VPS13D: variants seen among roughly 807,000 people sequenced by gnomAD.
VPS13D encodes the protein vacuolar protein sorting 13 homolog D, also known as intermembrane lipid transfer protein VPS13D.
VPS13D carries 187 observed loss-of-function variants against 461.9 expected under a neutral mutation model. The ratio of observed to expected loss-of-function variants is 0.40; its 90% confidence interval spans 0.36 to 0.46. VPS13D has a LOEUF of 0.46. VPS13D is among the 20% of genes least tolerant of loss of function. VPS13D has a pLI of 0.60. For missense variants in VPS13D, 4,711 were observed against 5,364.9 expected (o/e 0.88, Z 3.81); for synonymous variants, 1,951 against 1,986.3 (o/e 0.98, Z 0.47).
At chr1:12,404,033 GTT>G in intron 63 of VPS13D, 60 bp downstream of exon 63, 2 of 1,474,596 alleles carry the variant, frequency 1.4e-6, no homozygotes, top group Non-Finnish European at 1.8e-6. Flanking sequence ...GAATGAGTGT[GTT>G]TACTATTTGT....
Position 12,415,208 on chromosome 1 carries a change from A to G in VPS13D, c.12152A>G (p.Lys4051Arg). The change falls in exon 64 of 70, where the codon AAA becomes AGA. Residue 4051 changes from lysine to arginine, a missense_variant. Physicochemically the swap from Lys to Arg is conservative, Grantham distance 26. This residue lies in a region of VPS13D where 106 missense variants were observed against 206.2 expected (regional missense o/e 0.51). Coordinates refer to ENST00000620676, the MANE Select transcript of VPS13D (RefSeq NM_015378.4). ...GAGTTCATCATCAATGATATCCTCAAACATTTCCAGGAGGTGAGGCTTGGA... is the reference window on the plus strand; with the variant it reads ...GAGTTCATCATCAATGATATCCTCAGACATTTCCAGGAGGTGAGGCTTGGA... ...TKEFIINDIL[K>R]HFQEELLSQA... is the part of the protein sequence containing the mutation. The G allele has an allele frequency of 6.2e-7, 1 of 1,614,146 alleles. No individual in the cohort carries two copies. The highest frequency in any genetic ancestry group is 8.5e-7 in the Non-Finnish European group (1 of 1,180,000).
intron 22 of VPS13D, among the ~76,000 whole-genome samples, chr1:12,289,547 TC>T (rs1642065043): frequency 6.6e-6 from 1 of 151,966 alleles, no homozygotes; most frequent in Non-Finnish European, 1.5e-5. Context: ...TAGAAAAGCT[TC>T]TTAGAGGAGA....
chr1:12,242,948 CT>C (rs1163377999), intron 3 of VPS13D, among the ~76,000 whole-genome samples: 8 of 150,698 alleles, frequency 5.3e-5, no homozygotes, highest in African/African-American at 2.0e-4. Context: ...TTTTCTTTTT[CT>C]TTTCTTTTCT....
At chr1:12,319,798 T>C (rs1484748712) in intron 32 of VPS13D, among the ~76,000 whole-genome samples, 168 bp downstream of exon 32, 1 of 152,242 alleles carries the variant, frequency 6.6e-6, no homozygotes, top group Non-Finnish European at 1.5e-5. Context: ...CTGGCTATTC[T>C]AATGCATGGA....
intron 54 of VPS13D, among the ~76,000 whole-genome samples, chr1:12,372,156 C>T (rs142051182): frequency 2.0e-5 from 3 of 152,242 alleles, no homozygotes; most frequent in Non-Finnish European, 2.9e-5. Context: ...TAGGATCAAA[C>T]GGTCCTCCTG....
At chr1:12,404,179 A>C (rs1644618625) in intron 63 of VPS13D, among the ~76,000 whole-genome samples, 2 of 151,986 alleles carry the variant, frequency 1.3e-5, no homozygotes, top group Admixed American at 6.6e-5. Context: ...AAAAAAAAAA[A>C]AAACGAAACT....
intron 67 of VPS13D, among the ~76,000 whole-genome samples, chr1:12,487,624 A>AAACG: frequency 6.6e-6 from 1 of 150,868 alleles, no homozygotes; most frequent in African/African-American, 2.4e-5. Context: ...AAAAAAAAAA[A>AAACG]AGCAAACAAA....
intron 29 of VPS13D, among the ~76,000 whole-genome samples, chr1:12,312,328 T>G (rs1642775544): frequency 6.6e-6 from 1 of 152,214 alleles, no homozygotes; most frequent in Non-Finnish European, 1.5e-5. Context: ...TCTGGCAGAC[T>G]TTGTGGAACT....
chr1:12,439,730 T>C (rs1418857982), intron 65 of VPS13D, among the ~76,000 whole-genome samples: 3 of 152,158 alleles, frequency 2.0e-5, no homozygotes, highest in African/African-American at 4.8e-5. Context: ...TAAGTTTTTA[T>C]TGATAGGAGG....
In VPS13D at chr1:12,505,117, C is replaced by T. The variant is rs1244778824; in HGVS notation, c.12795-1736C>T. Reference sequence around the variant, plus strand: ...CCGTGACGGCCTCAGTGGCTGTGCACCAGGCCCACCGATGCTCAGGGGTGT... The same window carrying T: ...CCGTGACGGCCTCAGTGGCTGTGCATCAGGCCCACCGATGCTCAGGGGTGT... On this transcript the variant is annotated intron_variant, in intron 68 of 69. Coordinates refer to ENST00000620676, the MANE Select transcript of VPS13D (RefSeq NM_015378.4). The surrounding 1 kb of genome is among the most constrained non-coding windows in gnomAD (Gnocchi z 4.2). Among the ~76,000 whole-genome samples, 1 of 152,186 alleles carries T rather than the reference C, an allele frequency of 6.6e-6. No homozygotes were observed. The highest frequency in any genetic ancestry group is 1.5e-5 in the Non-Finnish European group (1 of 68,032).
chr1:12,285,440 G>A (rs1218954325), intron 21 of VPS13D, among the ~76,000 whole-genome samples: 2 of 151,600 alleles, frequency 1.3e-5, no homozygotes, highest in Non-Finnish European at 1.5e-5. Context: ...ACAGGTGCGC[G>A]CCGCCATGCC....
rs1406176216 is a variant in VPS13D, at chr1:12,299,585, T to C, written c.6216+201T>C. Among the ~76,000 whole-genome samples the C allele has an allele frequency of 1.3e-5, 2 of 152,200 alleles. No homozygotes were observed. Among genetic ancestry groups the C allele is most frequent in the Admixed American group, 6.5e-5 (1 of 15,282 alleles). On this transcript the variant is annotated intron_variant, in intron 25 of 69. Coordinates refer to ENST00000620676, the MANE Select transcript of VPS13D (RefSeq NM_015378.4). The surrounding 1 kb of genome is among the most constrained non-coding windows in gnomAD (Gnocchi z 4.2). Reference sequence around the variant, plus strand: ...AGTGTAAATTATAACTCTTAGTAAATGTAGGTAGTAGAATTTTTTTTGACA... The same window carrying C: ...AGTGTAAATTATAACTCTTAGTAAACGTAGGTAGTAGAATTTTTTTTGACA...
chr1:12,304,518 T>TCAG lies in VPS13D; in HGVS notation c.6231_6233dup (p.Ala2078dup), dbSNP rs747442052. ...TGTTCCTTCCCAGGAATCTGTGCCT[T>TCAG]CAGCTTCCCCAACGGGTATTCCCAA... On this transcript the variant is annotated inframe_insertion, in exon 26 of 70. Coordinates refer to ENST00000620676, the MANE Select transcript of VPS13D (RefSeq NM_015378.4). 2.5e-6 allele frequency: 4 copies of TCAG among 1,613,710 alleles called. No homozygotes were observed. In the Admixed American group the frequency reaches 6.7e-5, roughly 27 times the overall value.
intron 58 of VPS13D, 120 bp downstream of exon 58, chr1:12,383,275 A>G: frequency 1.9e-6 from 2 of 1,054,946 alleles, no homozygotes; most frequent in South Asian, 1.9e-5. Flanking sequence ...TGGTATCTTC[A>G]TCTGTAAAAT....
At chr1:12,267,446 T>C (rs1387280362) in intron 14 of VPS13D, among the ~76,000 whole-genome samples, 3 of 152,176 alleles carry the variant, frequency 2.0e-5, no homozygotes, top group Admixed American at 6.5e-5. Context: ...CGATAAGATC[T>C]TTGATCTTAA....
At chr1:12,301,842 C>G (rs1221345176) in intron 25 of VPS13D, among the ~76,000 whole-genome samples, 1 of 152,168 alleles carries the variant, frequency 6.6e-6, no homozygotes, top group Non-Finnish European at 1.5e-5. Flanking sequence ...GACATTTTAT[C>G]ACTCTGGAGA....
intron 65 of VPS13D, among the ~76,000 whole-genome samples, chr1:12,429,773 G>A (rs543318062): frequency 4.6e-5 from 7 of 152,298 alleles, no homozygotes; most frequent in East Asian, 1.9e-4. Flanking sequence ...CACAGCAAGC[G>A]CTTAGCAGAT....
intron 67 of VPS13D, among the ~76,000 whole-genome samples, chr1:12,496,019 G>A (rs764475234): frequency 2.6e-5 from 4 of 152,224 alleles, no homozygotes; most frequent in East Asian, 1.9e-4. Context: ...CCCCACTTTC[G>A]ATCGATATTT....
chr1:12,319,807 G>A (rs1642986869), intron 32 of VPS13D, among the ~76,000 whole-genome samples, 177 bp downstream of exon 32: 1 of 152,182 alleles, frequency 6.6e-6, no homozygotes, highest in Non-Finnish European at 1.5e-5. Flanking sequence ...CTAATGCATG[G>A]ATTCAGTCTC....
Sources: allele counts gnomAD v4.1 joint callset (sites outside exome capture counted in the v4.1 genomes callset), GRCh38; gene constraint gnomAD v4.1.1; regional missense constraint gnomAD v4.1.1; non-coding constraint Gnocchi (gnomAD v3.1); transcripts MANE v1.5; gene names NCBI Gene and HGNC (gene_info 2026-07-23, HGNC 2026-07-21).